Variants in NAALADL2 observed in about 807,000 individuals in gnomAD.
NAALADL2 encodes N-acetylated alpha-linked acidic dipeptidase like 2, also known as inactive N-acetylated-alpha-linked acidic dipeptidase-like protein 2.
A neutral mutation model predicts 87.2 loss-of-function variants in NAALADL2; 76 were observed. The observed-to-expected ratio is 0.87, with a 90% CI of 0.72 to 1.05. The LOEUF (loss-of-function observed/expected upper bound fraction) is 1.05. Among genes scored for constraint, NAALADL2 ranks in the 50% least tolerant of loss-of-function variants. NAALADL2 has a pLI of 0.00. For missense variants in NAALADL2, 1,089 were observed against 945.8 expected (o/e 1.15, Z -1.99); for synonymous variants, 354 against 331.0 (o/e 1.07, Z -0.75).
chr3:174,526,744 G>A (rs923640299), intron 1 of NAALADL2, among the ~76,000 whole-genome samples: 3 of 147,696 alleles, frequency 2.0e-5, no homozygotes, highest in African/African-American at 7.5e-5. Flanking sequence ...GGTGTGATCT[G>A]TGCTTACTGC....
At chr3:174,677,342 A>G (rs754143824) in intron 2 of NAALADL2, among the ~76,000 whole-genome samples, 2 of 152,044 alleles carry the variant, frequency 1.3e-5, no homozygotes, top group Admixed American at 6.6e-5. Flanking sequence ...TGTCATTCAT[A>G]TCATTGTAGC....
At chr3:175,211,616 C>G (rs1741778083) in intron 2 of NAALADL2, among the ~76,000 whole-genome samples, 1 of 151,934 alleles carries the variant, frequency 6.6e-6, no homozygotes. Context: ...ATAGTGTCAT[C>G]TATTCCCTGA....
Position 175,667,155 on chromosome 3 carries a change from GAAAGAAAAAGAAAGAAAGAAAGAA to G in NAALADL2, c.1896+39771_1896+39794del, listed in dbSNP as rs1560942293. 3.6e-3 allele frequency among the ~76,000 whole-genome samples: 478 copies of G among 131,068 alleles called. 4 individuals carry two copies. Among genetic ancestry groups the G allele is most frequent in the African/African-American group, 0.013 (444 of 33,658 alleles). 86.0% of individuals were successfully genotyped at this position (131,068 alleles called of 152,430 possible). ...AGAAAGAAAGAAAGAGAGAGAGAGA[GAAAGAAAAAGAAAGAAAGAAAGAA>G]AGAGAAAGAAAGAAAGAAAGAAAGA... On this transcript the variant is annotated intron_variant, in intron 11 of 13. Coordinates refer to ENST00000454872, the MANE Select transcript of NAALADL2 (RefSeq NM_207015.3).
At chr3:174,885,452 C>T (rs1478010697) in intron 1 of NAALADL2, among the ~76,000 whole-genome samples, 1 of 152,112 alleles carries the variant, frequency 6.6e-6, no homozygotes, top group Admixed American at 6.5e-5. Context: ...CCTTGGTTCT[C>T]CACATATGGT....
intron 9 of NAALADL2, among the ~76,000 whole-genome samples, chr3:175,529,028 C>A (rs1296415821): frequency 4.6e-5 from 7 of 152,190 alleles, no homozygotes; most frequent in African/African-American, 1.2e-4. Context: ...GTAACCCAAA[C>A]CTTCATTCCT....
At chr3:174,926,235 G>A (rs1404823917) in intron 1 of NAALADL2, among the ~76,000 whole-genome samples, 1 of 152,186 alleles carries the variant, frequency 6.6e-6, no homozygotes, top group African/African-American at 2.4e-5. Flanking sequence ...CATCTGATTG[G>A]TGTACCTGAA....
intron 3 of NAALADL2, among the ~76,000 whole-genome samples, chr3:174,786,062 G>C (rs139147854): frequency 0.02 from 3,004 of 152,208 alleles, 60 homozygotes; most frequent in Non-Finnish European, 0.022. Context: ...GGTACCAAAA[G>C]GCCAGGGCAC....
intron 1 of NAALADL2, among the ~76,000 whole-genome samples, chr3:174,543,935 G>C (rs1722491501): frequency 6.6e-6 from 1 of 151,974 alleles, no homozygotes; most frequent in Non-Finnish European, 1.5e-5. Flanking sequence ...TAGAGCCCAG[G>C]GGGCAGAGGT....
At chr3:174,614,277 T>C (rs541820858) in intron 2 of NAALADL2, among the ~76,000 whole-genome samples, 2 of 152,170 alleles carry the variant, frequency 1.3e-5, no homozygotes, top group Non-Finnish European at 2.9e-5. Context: ...GCAGTTTTTG[T>C]ATCCTTGTAG....
rs368457013 is a variant in NAALADL2, at chr3:175,436,322, C to T, written c.1091-10907C>T. Among the ~76,000 whole-genome samples, 358 of 149,340 alleles carry T rather than the reference C, an allele frequency of 2.4e-3. 2 individuals carry two copies. The highest frequency in any genetic ancestry group is 0.01 in the East Asian group (51 of 4,906). On this transcript the variant is annotated intron_variant, in intron 5 of 13. Transcript: ENST00000454872. ...GCCGCAATAAACATACGTGTGCATG[C>T]GTCTTTATAGCAGCATGATTTATGG...
intron 1 of NAALADL2, among the ~76,000 whole-genome samples, chr3:174,876,197 A>G (rs139329007): frequency 2.2e-3 from 333 of 152,278 alleles, no homozygotes; most frequent in Non-Finnish European, 3.5e-3. Context: ...TTGTTATTAT[A>G]TGTGTAAAGC....
At chr3:174,650,764 G>A (rs540084512) in intron 2 of NAALADL2, among the ~76,000 whole-genome samples, 1 of 151,738 alleles carries the variant, frequency 6.6e-6, no homozygotes, top group East Asian at 1.9e-4. Context: ...TGTAGAATAT[G>A]AAGAGACAAA....
At chr3:175,342,239 A>T (rs777816994) in intron 5 of NAALADL2, among the ~76,000 whole-genome samples, 3 of 152,144 alleles carry the variant, frequency 2.0e-5, no homozygotes, top group Non-Finnish European at 4.4e-5. Flanking sequence ...TGAAGTCTAT[A>T]CATGTGATAG....
chr3:175,697,767 A>G (rs1738055585), intron 11 of NAALADL2, among the ~76,000 whole-genome samples: 1 of 145,952 alleles, frequency 6.9e-6, no homozygotes, highest in South Asian at 2.1e-4. Context: ...ATGTATGTAT[A>G]CATATATACA....
intron 7 of NAALADL2, among the ~76,000 whole-genome samples, chr3:175,464,730 C>T (rs1414909713): frequency 6.6e-6 from 1 of 152,148 alleles, no homozygotes; most frequent in African/African-American, 2.4e-5. Flanking sequence ...CCAACTCTTA[C>T]AAAGTTCATG....
At chr3:174,985,257 C>T (rs949346190) in intron 1 of NAALADL2, among the ~76,000 whole-genome samples, 1 of 152,090 alleles carries the variant, frequency 6.6e-6, no homozygotes, top group African/African-American at 2.4e-5. Context: ...TCTTAGATTC[C>T]GAAGTGTAGA....
chr3:175,097,303 AG>A lies in NAALADL2; in HGVS notation c.545+13del, dbSNP rs757444229. On this transcript the variant is annotated intron_variant, in intron 2 of 13. Transcript: ENST00000454872. Reference sequence around the variant, plus strand: ...AAGAAGTCTTTCAGGTAGGTGAAGAAGAAACAGATGTTGTTTGAATGCATTT... The same window carrying A: ...AAGAAGTCTTTCAGGTAGGTGAAGAAAAACAGATGTTGTTTGAATGCATTT... 1 of 1,596,946 alleles carries A rather than the reference AG, an allele frequency of 6.3e-7. No homozygotes were observed. The highest frequency in any genetic ancestry group is 8.5e-7 in the Non-Finnish European group (1 of 1,171,488).
At chr3:175,424,350 T>A (rs1043403251) in intron 5 of NAALADL2, among the ~76,000 whole-genome samples, 11 of 152,186 alleles carry the variant, frequency 7.2e-5, no homozygotes, top group Non-Finnish European at 1.3e-4. Context: ...ATGTCCTGAA[T>A]GGTATTGCCT....
chr3:175,313,189 G>A (rs1043835368), intron 4 of NAALADL2, among the ~76,000 whole-genome samples: 3 of 151,662 alleles, frequency 2.0e-5, no homozygotes, highest in African/African-American at 7.3e-5. Context: ...CCACCCATTC[G>A]ACCTCATTTA....
Sources: allele counts gnomAD v4.1 joint callset (sites outside exome capture counted in the v4.1 genomes callset), GRCh38; gene constraint gnomAD v4.1.1; transcripts MANE v1.5; gene names NCBI Gene and HGNC (gene_info 2026-07-23, HGNC 2026-07-21).